Variants in SLC2A9 observed in about 807,000 individuals in gnomAD.
The protein encoded by SLC2A9 is solute carrier family 2, facilitated glucose transporter member 9.
SLC2A9 carries 39 observed loss-of-function variants against 50.6 expected under a neutral mutation model. That is an observed-to-expected ratio of 0.77 (90% CI 0.60 to 1.01). The LOEUF (loss-of-function observed/expected upper bound fraction) is 1.01, where lower values mean the gene tolerates loss of function less well. Ranked by LOEUF, SLC2A9 falls within the 50% of genes least tolerant of loss-of-function variation. The pLI is 0.00. For synonymous variants in SLC2A9, 324 were observed against 276.9 expected (o/e 1.17, Z -1.69); for missense variants, 686 against 677.6 (o/e 1.01, Z -0.14).
intron 6 of SLC2A9, among the ~76,000 whole-genome samples, chr4:9,931,956 CTCTCTCTATATATA>C (rs1187329072): frequency 1.6e-4 from 7 of 43,314 alleles, no homozygotes; most frequent in South Asian, 2.1e-3. Context: ...CTCTCTCTCT[CTCTCTCTATATATA>C]TATATATATA....
At chr4:9,899,014 TTCTC>T (rs1234364301) in intron 8 of SLC2A9, among the ~76,000 whole-genome samples, 3 of 151,586 alleles carry the variant, frequency 2.0e-5, no homozygotes, top group Non-Finnish European at 4.4e-5. Flanking sequence ...CTCTCTCTCT[TTCTC>T]TCTTTCAAAT....
chr4:9,983,074 G>A lies in SLC2A9; in HGVS notation c.536-2337C>T, dbSNP rs185248830. On this transcript the variant is annotated intron_variant, in intron 4 of 11. Transcript: ENST00000264784. ...GTAGAGACAGGGTTTCTCCATGTTG[G>A]TCAGGCTGCTCTCAAACTCCTGACC... Among the ~76,000 whole-genome samples the A allele has an allele frequency of 8.3e-3, 1,263 of 152,152 alleles. 13 individuals carry two copies. Among genetic ancestry groups the A allele is most frequent in the South Asian group, 0.018 (87 of 4,820 alleles).
intron 2 of SLC2A9, among the ~76,000 whole-genome samples, chr4:10,005,032 C>T (rs1760533908): frequency 6.6e-6 from 1 of 152,170 alleles, no homozygotes; most frequent in African/African-American, 2.4e-5. Context: ...TCTGACTTTA[C>T]AGGTCTGCTT....
Position 10,018,893 on chromosome 4 carries a change from G to A in SLC2A9, c.249+82C>T, listed in dbSNP as rs1005038791. On this transcript the variant is annotated intron_variant, in intron 2 of 11. Transcript: ENST00000264784. The stretch of plus-strand genomic sequence containing the variant: ...CGCGCCGCGAGCGCAACAGGAGGGG[G>A]CGCTGGAGCCCAGGGCCCTTGCGCA... 5.1e-6 allele frequency: 7 copies of A among 1,366,264 alleles called. No individual in the cohort carries two copies. The African/African-American group carries it at 5.8e-5, about 11-fold the overall frequency. The allele number at this position is 1,366,264 out of a possible 1,614,324, so 84.6% of individuals were successfully genotyped here. A position where few individuals can be genotyped will look rare whatever the true frequency, so the allele number is the denominator to read the frequency against.
At chr4:9,923,540 G>A (rs1744323918) in intron 6 of SLC2A9, among the ~76,000 whole-genome samples, 1 of 152,158 alleles carries the variant, frequency 6.6e-6, no homozygotes, top group Admixed American at 6.5e-5. Flanking sequence ...GGACAGAGGG[G>A]AGCCAGGGCA....
upstream of SLC2A9, chr4:10,025,738 A>C: frequency 1.6e-6 from 1 of 641,506 alleles, no homozygotes; most frequent in Admixed American, 2.7e-5. Flanking sequence ...GACACTCTAC[A>C]ATCCCCATGG....
At chr4:9,884,411 C>G (rs1232703389) in intron 10 of SLC2A9, among the ~76,000 whole-genome samples, 2 of 150,626 alleles carry the variant, frequency 1.3e-5, no homozygotes, top group Non-Finnish European at 2.9e-5. Flanking sequence ...GCTGAGATTA[C>G]AGGTACATTC....
intron 6 of SLC2A9, among the ~76,000 whole-genome samples, chr4:9,932,482 T>C (rs976898329): frequency 6.6e-6 from 1 of 152,142 alleles, no homozygotes; most frequent in Non-Finnish European, 1.5e-5. Flanking sequence ...TTTCAGGTCA[T>C]AATGAGTGCT....
intron 6 of SLC2A9, among the ~76,000 whole-genome samples, chr4:9,933,630 T>C (rs1746541171): frequency 6.6e-6 from 1 of 152,086 alleles, no homozygotes; most frequent in Non-Finnish European, 1.5e-5. Context: ...ACTAAGGTAA[T>C]GGTTGCCATG....
intron 3 of SLC2A9, among the ~76,000 whole-genome samples, chr4:9,810,795 G>A (rs926482135): frequency 3.3e-5 from 5 of 152,178 alleles, no homozygotes; most frequent in South Asian, 2.1e-4. Flanking sequence ...AGGAGAGATC[G>A]GACAGGTTGA....
chr4:10,036,543 C>T (rs1295302881), intron 1 of SLC2A9, among the ~76,000 whole-genome samples: 1 of 152,214 alleles, frequency 6.6e-6, no homozygotes, highest in Admixed American at 6.5e-5. Context: ...CCTTTGTTGT[C>T]CTGCTTTTTC....
At chr4:9,799,700 C>CCCCCACCCCCCA (rs1553813199) in intron 3 of SLC2A9, among the ~76,000 whole-genome samples, 1 of 93,636 alleles carries the variant, frequency 1.1e-5, no homozygotes, top group Non-Finnish European at 2.1e-5. Context: ...GTACCCCCCC[C>CCCCCACCCCCCA]CCACCCAACT....
intron 10 of SLC2A9, among the ~76,000 whole-genome samples, chr4:9,839,650 A>C (rs953000293): frequency 6.6e-5 from 10 of 152,240 alleles, no homozygotes; most frequent in Non-Finnish European, 2.9e-5. Flanking sequence ...CAGCCATAAA[A>C]AAAGAATGAG....
chr4:9,938,285 T>TC lies in SLC2A9; in HGVS notation c.814+3627_814+3628insG, dbSNP rs1429683473. Among the ~76,000 whole-genome samples the TC allele has an allele frequency of 3.9e-3, 581 of 150,480 alleles. 3 individuals are homozygous for TC. Among genetic ancestry groups the TC allele is most frequent in the African/African-American group, 0.013 (542 of 40,784 alleles). ...ATCTTTTGCTATTTTTTTTTTTTTT[T>TC]TTTTGAGATGGAGTCTCACTCTGTT... On this transcript the variant is annotated intron_variant, in intron 6 of 11. Coordinates refer to ENST00000264784, the MANE Select transcript of SLC2A9 (RefSeq NM_020041.3).
At position 9,955,265 on chromosome 4, in the gene SLC2A9, G is replaced by T. The variant is rs1366668436; in HGVS notation, c.682-13220C>A. Among the ~76,000 whole-genome samples the T allele has an allele frequency of 6.8e-5, 3 of 43,804 alleles. 1 individual carries two copies. The highest frequency in any genetic ancestry group is 5.0e-4 in the Admixed American group (2 of 3,988). 28.7% of individuals were successfully genotyped at this position (43,804 alleles called of 152,430 possible). A position where few individuals can be genotyped will look rare whatever the true frequency, so the allele number is the denominator to read the frequency against. ...CCCAGCACTTTGGGAGGCCGAGGCG[G>T]GTGGATCACGAGGTCAGGAGATCGA... On this transcript the variant is annotated intron_variant, in intron 5 of 11. Transcript: ENST00000264784.
intron 11 of SLC2A9, 145 bp downstream of exon 11, chr4:9,834,735 CA>C: frequency 7.5e-7 from 1 of 1,332,434 alleles, no homozygotes. Context: ...AGGTTTTGCC[CA>C]AAGCATAGTT....
At chr4:9,989,924 T>G (rs1375032536) in intron 3 of SLC2A9, among the ~76,000 whole-genome samples, 1 of 152,028 alleles carries the variant, frequency 6.6e-6, no homozygotes, top group Non-Finnish European at 1.5e-5. Context: ...ACTCCCTTGC[T>G]TCCTTCAGTG....
chr4:9,931,985 T>TATATATATATATATATATATAC (rs1553879027), intron 6 of SLC2A9, among the ~76,000 whole-genome samples: 6 of 95,682 alleles, frequency 6.3e-5, no homozygotes, highest in Admixed American at 2.0e-4. Context: ...TATATATATA[T>TATATATATATATATATATATAC]ATATATATAT....
At chr4:9,941,289 C>T (rs1287631874) in intron 6 of SLC2A9, among the ~76,000 whole-genome samples, 1 of 152,204 alleles carries the variant, frequency 6.6e-6, no homozygotes, top group African/African-American at 2.4e-5. Context: ...AGCATCCCCC[C>T]ATTTAGGGCA....
Sources: gnomAD v4.1 joint callset for allele counts (sites outside exome capture counted in the v4.1 genomes callset) on GRCh38, gnomAD v4.1.1 for gene constraint, MANE v1.5 for transcripts, NCBI Gene and HGNC (gene_info 2026-07-23, HGNC 2026-07-21) for gene names.